PVT1: variants seen among roughly 807,000 people sequenced by gnomAD.
PVT1 encodes the protein CXCR4/PVT1 fusion.
chr8:127,952,098 G>A (rs978887876), intron 3 of PVT1, among the ~76,000 whole-genome samples: 2 of 152,186 alleles, frequency 1.3e-5, no homozygotes, highest in Non-Finnish European at 2.9e-5. Context: ...ACAGACGTGA[G>A]CCACCGCGCC....
At chr8:127,817,542 T>TACAC (rs200706900) in intron 2 of PVT1, among the ~76,000 whole-genome samples, 38 of 110,324 alleles carry the variant, frequency 3.4e-4, no homozygotes, top group African/African-American at 5.6e-4. Context: ...TATATATATA[T>TACAC]ATATACACAC....
intron 3 of PVT1, among the ~76,000 whole-genome samples, chr8:127,969,348 C>A (rs1816737480): frequency 6.6e-6 from 1 of 152,148 alleles, no homozygotes; most frequent in Non-Finnish European, 1.5e-5. Flanking sequence ...TATCTTGATT[C>A]CATTCCTTTA....
chr8:127,832,541 T>A (rs1403167980), intron 2 of PVT1, among the ~76,000 whole-genome samples: 1 of 152,212 alleles, frequency 6.6e-6, no homozygotes, highest in Non-Finnish European at 1.5e-5. Flanking sequence ...TCTATGTCAC[T>A]AGAGGTAATC....
chr8:127,950,317 G>T (rs2129925590), intron 3 of PVT1, among the ~76,000 whole-genome samples: 1 of 152,344 alleles, frequency 6.6e-6, no homozygotes, highest in South Asian at 2.1e-4. Context: ...ATAGGAGTGG[G>T]AGGCTGAGAC....
At chr8:127,960,685 C>T (rs952663775) in intron 3 of PVT1, 1 of 525,396 alleles carries the variant, frequency 1.9e-6, no homozygotes, top group Non-Finnish European at 3.9e-6. Context: ...CAACCCTGTT[C>T]TGGAGTCTGT....
At chr8:127,860,758 C>A (rs956805518) in intron 2 of PVT1, among the ~76,000 whole-genome samples, 12 of 120,464 alleles carry the variant, frequency 1.0e-4, no homozygotes, top group Admixed American at 1.8e-4. Flanking sequence ...GAGCAAGACC[C>A]AATCTCAAAA....
chr8:127,905,515 C>T (rs975264017), intron 3 of PVT1, among the ~76,000 whole-genome samples: 1 of 152,178 alleles, frequency 6.6e-6, no homozygotes, highest in Non-Finnish European at 1.5e-5. Flanking sequence ...GTAAGGTTTT[C>T]ACATCCATTG....
rs1466247184 is a variant in PVT1 at position 128,041,237 on chromosome 8, GT to G, written n.913-28921del. On this transcript the variant is annotated intron_variant and non_coding_transcript_variant, in intron 4 of 10. Coordinates refer to ENST00000651587, the Ensembl canonical transcript of PVT1. The stretch of plus-strand genomic sequence containing the variant: ...TGTTTGTGTGTGTGCATGTGTGTGT[GT>G]TGTTTGTGTGTGTGTTTGTGCATGT... 8.1e-3 allele frequency among the ~76,000 whole-genome samples: 210 copies of G among 25,976 alleles called. 2 individuals are homozygous for G. The highest frequency in any genetic ancestry group is 0.016 in the African/African-American group (192 of 12,308). The allele number at this position is 25,976 out of a possible 152,430, so 17.0% of individuals were successfully genotyped here.
chr8:128,069,842 A>C (rs1375823024), intron 4 of PVT1, among the ~76,000 whole-genome samples: 6 of 151,950 alleles, frequency 3.9e-5, no homozygotes, highest in Non-Finnish European at 7.4e-5. Flanking sequence ...TTTTCTTTCG[A>C]ATTTTATTAT....
At chr8:127,845,588 A>G (rs968673853) in intron 2 of PVT1, among the ~76,000 whole-genome samples, 2 of 152,210 alleles carry the variant, frequency 1.3e-5, no homozygotes, top group African/African-American at 2.4e-5. Context: ...CTTGACCCCA[A>G]ACATACTTAT....
intron 2 of PVT1, among the ~76,000 whole-genome samples, chr8:127,857,489 A>G (rs1815174661): frequency 6.6e-6 from 1 of 152,082 alleles, no homozygotes; most frequent in African/African-American, 2.4e-5. Flanking sequence ...CCTGGACAGC[A>G]TAGTGAGGTC....
intron 3 of PVT1, among the ~76,000 whole-genome samples, chr8:127,895,725 C>T (rs920189061): frequency 5.3e-5 from 8 of 152,116 alleles, no homozygotes; most frequent in Admixed American, 3.9e-4. Context: ...TCTGAGCTTC[C>T]TAATTAGCAC....
At chr8:127,957,991 C>G (rs1816591458) in intron 3 of PVT1, among the ~76,000 whole-genome samples, 1 of 152,170 alleles carries the variant, frequency 6.6e-6, no homozygotes, top group Non-Finnish European at 1.5e-5. Flanking sequence ...AGAAGCCCTG[C>G]TGGGTGATCA....
intron 2 of PVT1, among the ~76,000 whole-genome samples, chr8:127,849,055 G>T (rs185053985): frequency 1.3e-5 from 2 of 152,188 alleles, no homozygotes; most frequent in Non-Finnish European, 2.9e-5. Flanking sequence ...CTCTTTCTCT[G>T]TGCCAACCCT....
chr8:128,049,326 A>G (rs531251732), intron 4 of PVT1: 78 of 389,010 alleles, frequency 2.0e-4, no homozygotes, highest in African/African-American at 1.6e-3. Context: ...GTGAATGAGG[A>G]AGGAAGGCGG....
chr8:127,847,256 C>T (rs574851821), intron 2 of PVT1, among the ~76,000 whole-genome samples: 3 of 152,088 alleles, frequency 2.0e-5, no homozygotes, highest in African/African-American at 7.2e-5. Flanking sequence ...TGATAAGTTG[C>T]TCTACCCAAT....
At chr8:128,095,529 G>A (rs971717333) in intron 5 of PVT1, among the ~76,000 whole-genome samples, 1 of 152,186 alleles carries the variant, frequency 6.6e-6, no homozygotes, top group African/African-American at 2.4e-5. Flanking sequence ...GCACACTATG[G>A]CCCACAGCCT....
At chr8:128,049,383 C>G (rs1054638210) in intron 4 of PVT1, 10 of 338,976 alleles carry the variant, frequency 3.0e-5, no homozygotes, top group African/African-American at 1.9e-4. Context: ...AGAGCACTTG[C>G]CTGTGTGGGG....
In PVT1 at chr8:127,997,044, G is replaced by GTTTTTTTTT. The variant is rs1293036762; in HGVS notation, n.912+7757_912+7765dup. On this transcript the variant is annotated intron_variant and non_coding_transcript_variant, in intron 4 of 10. Coordinates refer to ENST00000651587, the Ensembl canonical transcript of PVT1. The stretch of plus-strand genomic sequence containing the variant: ...GAACATTCACTGGTCATTTGCTTTC[G>GTTTTTTTTT]TTTTTTTTTTTTGTTTGTTTGTTTT... 6.3e-4 allele frequency among the ~76,000 whole-genome samples: 51 copies of GTTTTTTTTT among 81,584 alleles called. 9 individuals carry two copies. The highest frequency in any genetic ancestry group is 9.3e-3 in the Middle Eastern group (1 of 108). The allele number at this position is 81,584 out of a possible 152,430, so 53.5% of individuals were successfully genotyped here.
Sources: allele counts gnomAD v4.1 joint callset (sites outside exome capture counted in the v4.1 genomes callset), GRCh38; gene constraint gnomAD v4.1.1; transcripts MANE v1.5; gene names NCBI Gene and HGNC (gene_info 2026-07-23, HGNC 2026-07-21).